The following LIMCH1 variants were observed in gnomAD, a reference collection of about 807,000 sequenced individuals.
LIMCH1 encodes the protein LIM and calponin homology domains-containing protein 1.
LIMCH1 carries 113 observed loss-of-function variants against 176.5 expected under a neutral mutation model. The observed-to-expected ratio is 0.64, with a 90% CI of 0.55 to 0.75. LIMCH1 has a LOEUF of 0.75. Ranked by LOEUF, LIMCH1 falls within the 30% of genes least tolerant of loss-of-function variation. LIMCH1 has a pLI of 0.00. For missense variants in LIMCH1, 1,674 were observed against 1,814.9 expected (o/e 0.92, Z 1.41); for synonymous variants, 619 against 645.9 (o/e 0.96, Z 0.63).
chr4:41,491,188 T>A (rs1432268898), intron 1 of LIMCH1, among the ~76,000 whole-genome samples: 12 of 114,808 alleles, frequency 1.0e-4, no homozygotes, highest in Non-Finnish European at 1.9e-4. Context: ...GCTCCCCACA[T>A]CCCAGACGAA....
rs187242258 is a variant in LIMCH1, at chr4:41,408,541, A to G, written c.96+47605A>G. ...GAGCCTCTCTGCAGACCCTCAAAAT[A>G]TGCATATGTATTCCCATGTAAAAAT... On this transcript the variant is annotated intron_variant, in intron 1 of 26. Transcript: ENST00000313860. Among the ~76,000 whole-genome samples, 17 of 152,280 alleles carry G rather than the reference A, an allele frequency of 1.1e-4. No homozygotes were observed. In the East Asian group the frequency reaches 3.1e-3, roughly 28 times the overall value.
chr4:41,629,824 T>C, intron 9 of LIMCH1, 90 bp downstream of exon 9: 1 of 1,407,186 alleles, frequency 7.1e-7, no homozygotes, highest in Non-Finnish European at 9.4e-7. Context: ...TCTTTTTTTT[T>C]TTTGTCAGGG....
chr4:41,450,639 A>C (rs544971506), intron 1 of LIMCH1, among the ~76,000 whole-genome samples: 2 of 151,904 alleles, frequency 1.3e-5, no homozygotes, highest in East Asian at 3.9e-4. Context: ...TACTGAAAAT[A>C]CAAAAATTAG....
chr4:41,500,997 A>G lies in LIMCH1; in HGVS notation c.167+6391A>G, dbSNP rs2073167789. Among the ~76,000 whole-genome samples the G allele has an allele frequency of 2.6e-5, 4 of 152,340 alleles. No homozygotes were observed. In the South Asian group the frequency reaches 8.3e-4, roughly 32 times the overall value. On this transcript the variant is annotated intron_variant, in intron 2 of 26. Transcript: ENST00000313860. ...AGAGAAAAAACTAGCATCTACAGGC[A>G]GCATGAATGATGGAAACTGAGGATC... is the stretch of plus-strand genomic sequence containing the variant.
chr4:41,487,052 G>A (rs181990037), intron 1 of LIMCH1, among the ~76,000 whole-genome samples: 1 of 151,634 alleles, frequency 6.6e-6, no homozygotes, highest in East Asian at 1.9e-4. Context: ...GTAGAGATGG[G>A]GTTTCACCAT....
At chr4:41,449,962 C>G (rs1367535964) in intron 1 of LIMCH1, among the ~76,000 whole-genome samples, 1 of 152,208 alleles carries the variant, frequency 6.6e-6, no homozygotes, top group African/African-American at 2.4e-5. Context: ...CCTGTGTACC[C>G]AGATTCCCCC....
chr4:41,426,233 G>A (rs1023476808), intron 1 of LIMCH1, among the ~76,000 whole-genome samples: 16 of 151,728 alleles, frequency 1.1e-4, no homozygotes, highest in Admixed American at 7.9e-4. Context: ...GTTTTAGCCG[G>A]GATGGTCTCG....
At chr4:41,578,127 A>T (rs1244744150) in intron 1 of LIMCH1, among the ~76,000 whole-genome samples, 2 of 152,184 alleles carry the variant, frequency 1.3e-5, no homozygotes, top group African/African-American at 4.8e-5. Context: ...TTTTAAGATG[A>T]CTGGGTAATT....
At chr4:41,593,440 C>T (rs2088052249) in intron 1 of LIMCH1, among the ~76,000 whole-genome samples, 1 of 152,200 alleles carries the variant, frequency 6.6e-6, no homozygotes, top group Non-Finnish European at 1.5e-5. Flanking sequence ...TGAGGATTTA[C>T]CGCCATGAGT....
intron 1 of LIMCH1, among the ~76,000 whole-genome samples, chr4:41,468,207 C>A (rs570876531): frequency 9.2e-5 from 14 of 151,582 alleles, no homozygotes; most frequent in African/African-American, 2.9e-4. Context: ...AACTGGCCGG[C>A]CTGCCTTTAT....
intron 2 of LIMCH1, among the ~76,000 whole-genome samples, chr4:41,511,760 A>G (rs983226154): frequency 3.3e-5 from 5 of 152,224 alleles, no homozygotes; most frequent in African/African-American, 1.2e-4. Flanking sequence ...AAATGCTACA[A>G]TTTTAACTCA....
At chr4:41,619,530 C>G (rs905422903) in intron 6 of LIMCH1, 90 bp downstream of exon 6, 7 of 1,487,042 alleles carry the variant, frequency 4.7e-6, no homozygotes, top group Non-Finnish European at 6.4e-6. Context: ...GTTAAATGAC[C>G]AATTCAGAAC....
intron 1 of LIMCH1, among the ~76,000 whole-genome samples, chr4:41,482,805 C>G (rs1477023793): frequency 6.6e-6 from 1 of 152,114 alleles, no homozygotes; most frequent in East Asian, 1.9e-4. Context: ...ATTCTTCATG[C>G]AAACCTTTGG....
In LIMCH1 at chr4:41,638,629, T is replaced by TGCAC. The variant is rs566916828; in HGVS notation, c.2091-302_2091-299dup. ...GCTGCCTTCTCTAAACGCTGTGGAT[T>TGCAC]GCACCTAAGCCTTTCTGTGTTTATA... On this transcript the variant is annotated intron_variant, in intron 13 of 31. Transcript: ENST00000503057. Among the ~76,000 whole-genome samples the TGCAC allele has an allele frequency of 4.8e-3, 730 of 152,320 alleles. 2 individuals carry two copies. The highest frequency in any genetic ancestry group is 0.016 in the African/African-American group (653 of 41,566).
chr4:41,423,189 G>C (rs891674875), intron 1 of LIMCH1, among the ~76,000 whole-genome samples: 1 of 152,188 alleles, frequency 6.6e-6, no homozygotes, highest in East Asian at 1.9e-4. Flanking sequence ...GACACCCTCC[G>C]TATGATATGG....
rs750045066 is a variant in LIMCH1, at chr4:41,367,866, T to TAA, written c.96+6949_96+6950dup. Among the ~76,000 whole-genome samples the TAA allele has an allele frequency of 2.4e-3, 218 of 90,900 alleles. 2 individuals carry two copies. The highest frequency in any genetic ancestry group is 0.011 in the Middle Eastern group (2 of 180). 59.6% of individuals were successfully genotyped at this position (90,900 alleles called of 152,430 possible). Reference sequence around the variant, plus strand: ...TGGGCGGCAGTGCGAGACTCCATCATAAAAAAAAAAAAAAAAAAAAGAAAT... The same window carrying TAA: ...TGGGCGGCAGTGCGAGACTCCATCATAAAAAAAAAAAAAAAAAAAAAAGAAAT... On this transcript the variant is annotated intron_variant, in intron 1 of 26. Transcript: ENST00000313860.
intron 1 of LIMCH1, among the ~76,000 whole-genome samples, chr4:41,589,332 G>A (rs1354934616): frequency 1.3e-5 from 2 of 152,170 alleles, no homozygotes; most frequent in Non-Finnish European, 2.9e-5. Context: ...CACCTGGCAT[G>A]TCTGAGGACC....
rs1363410361 is a variant in LIMCH1, at chr4:41,375,508, AT to A, written c.96+14573del. On this transcript the variant is annotated intron_variant, in intron 1 of 26. Coordinates refer to the LIMCH1 transcript ENST00000313860. ...ACTGAATTACTGTAACTTTAAAAAAATGTTATAAATTAAAGTATCCAATACC... is the reference window on the plus strand; with the variant it reads ...ACTGAATTACTGTAACTTTAAAAAAAGTTATAAATTAAAGTATCCAATACC... Among the ~76,000 whole-genome samples, 21 of 152,270 alleles carry A rather than the reference AT, an allele frequency of 1.4e-4. No individual in the cohort carries two copies. The East Asian group carries it at 3.1e-3, about 22-fold the overall frequency.
intron 20 of LIMCH1, among the ~76,000 whole-genome samples, chr4:41,664,215 G>A (rs10027827): frequency 0.59 from 90,073 of 152,114 alleles, 27,867 homozygotes; most frequent in African/African-American, 0.73. Context: ...TTTCAGAATG[G>A]ACCCTCAATT....
Sources: gnomAD v4.1 joint callset for allele counts (sites outside exome capture counted in the v4.1 genomes callset) on GRCh38, gnomAD v4.1.1 for gene constraint, MANE v1.5 for transcripts, NCBI Gene and HGNC (gene_info 2026-07-23, HGNC 2026-07-21) for gene names.